RFC1: variants seen among roughly 807,000 people sequenced by gnomAD.
RFC1 encodes replication factor C subunit 1, also known as A1 140 kDa subunit.
RFC1 carries 37 observed loss-of-function variants against 137.4 expected under a neutral mutation model. The ratio of observed to expected loss-of-function variants is 0.27; its 90% CI spans 0.21 to 0.35. The LOEUF (loss-of-function observed/expected upper bound fraction) is 0.35. RFC1 is among the 10% of genes least tolerant of loss of function. The pLI, the probability that RFC1 is intolerant of heterozygous loss-of-function variation, is 1.00. For synonymous variants in RFC1, 429 were observed against 455.7 expected, an observed-to-expected ratio of 0.94 and a Z score of 0.75; for missense variants, 1,205 against 1,358.5, an observed-to-expected ratio of 0.89 and a Z score of 1.78.
chr4:39,310,918 A>C (rs1738932844), intron 12 of RFC1, among the ~76,000 whole-genome samples: 1 of 152,114 alleles, frequency 6.6e-6, no homozygotes. Flanking sequence ...GAAGTGGGTG[A>C]ATCACTTGAG....
chr4:39,337,796 T>C (rs1345726048), intron 4 of RFC1, among the ~76,000 whole-genome samples: 1 of 152,158 alleles, frequency 6.6e-6, no homozygotes, highest in Non-Finnish European at 1.5e-5. Flanking sequence ...TTTTCCAAAG[T>C]CACAAGTCAC....
intron 2 of RFC1, among the ~76,000 whole-genome samples, chr4:39,346,565 A>C (rs1192711532): frequency 6.6e-6 from 1 of 152,168 alleles, no homozygotes; most frequent in Non-Finnish European, 1.5e-5. Context: ...AACATATTCA[A>C]ATTTTCTCAG....
chr4:39,332,622 T>G (rs933901135), intron 4 of RFC1, among the ~76,000 whole-genome samples: 6 of 152,200 alleles, frequency 3.9e-5, no homozygotes, highest in Non-Finnish European at 7.4e-5. Flanking sequence ...AGGAAAGTTT[T>G]TCCTTATATT....
Position 39,300,084 on chromosome 4 carries a change from G to A in RFC1, c.2745C>T (p.Cys915=), listed in dbSNP as rs56410411. Residue 915 remains cysteine (C), a synonymous_variant, in exon 21 of 25, where the codon TGC becomes TGT. Coordinates refer to ENST00000349703, the MANE Select transcript of RFC1 (RefSeq NM_002913.5). The part of the protein sequence containing the change: ...MLLSRAADSI[C]DGDLVDSQIR... Reference sequence around the variant, plus strand: ...TCTGGCTGTCCACTAGGTCACCATCGCATATGCTGTCTGCTGCTCTGCTTA... The same window carrying A: ...TCTGGCTGTCCACTAGGTCACCATCACATATGCTGTCTGCTGCTCTGCTTA... 44 of 1,614,056 alleles carry A rather than the reference G, an allele frequency of 2.7e-5. No homozygotes were observed. The highest frequency in any genetic ancestry group is 2.5e-4 in the East Asian group (11 of 44,888).
chr4:39,326,807 G>A (rs1484253846), intron 5 of RFC1, among the ~76,000 whole-genome samples, 167 bp from the exon 6 acceptor site: 1 of 152,070 alleles, frequency 6.6e-6, no homozygotes, highest in Non-Finnish European at 1.5e-5. Flanking sequence ...GCTACTCCCT[G>A]ACCATATCCA....
chr4:39,300,507 T>G, intron 19 of RFC1, 93 bp from the exon 20 acceptor site: 1 of 918,514 alleles, frequency 1.1e-6, no homozygotes. Context: ...CAAGAGGAAT[T>G]CCATTCATTG....
chr4:39,346,618 A>T (rs932475674), intron 2 of RFC1, among the ~76,000 whole-genome samples: 1 of 152,250 alleles, frequency 6.6e-6, no homozygotes, highest in African/African-American at 2.4e-5. Flanking sequence ...GTAATCAATT[A>T]TAAGGTAGAA....
At chr4:39,312,729 G>A in intron 11 of RFC1, 23 bp downstream of exon 11, 3 of 1,602,920 alleles carry the variant, frequency 1.9e-6, no homozygotes, top group Non-Finnish European at 2.6e-6. Flanking sequence ...GTGTCATGGT[G>A]TTGAGAACAA....
chr4:39,362,850 G>A (rs1163253093), intron 1 of RFC1, among the ~76,000 whole-genome samples: 1 of 152,244 alleles, frequency 6.6e-6, no homozygotes, highest in Non-Finnish European at 1.5e-5. Context: ...AAGACAGAGA[G>A]AGAAAATCAG....
At position 39,308,752 on chromosome 4, in the gene RFC1, T is replaced by C; in HGVS notation, c.1769A>G (p.Tyr590Cys). 1 of 1,614,226 alleles carries C rather than the reference T, an allele frequency of 6.2e-7. No homozygotes were observed. Among genetic ancestry groups the C allele is most frequent in the Non-Finnish European group, 8.5e-7 (1 of 1,180,034 alleles). Reference sequence around the variant, plus strand: ...TATGGTCTTGAGCGAGGTTGGCTTATATTTATCCACCCAGAGCAAATTTTC... The same window carrying C: ...TATGGTCTTGAGCGAGGTTGGCTTACATTTATCCACCCAGAGCAAATTTTC... The part of the protein sequence containing the change: ...KVENLLWVDK[Y>C]KPTSLKTIIG... The change falls in exon 13 of 25, where the codon TAT (tyrosine) becomes TGT (cysteine). Residue 590 changes from tyrosine (Y) to cysteine (C), a missense_variant. Tyr to Cys is a radical substitution (Grantham distance 194). Transcript: ENST00000349703.
chr4:39,312,423 T>A (rs1165411052), intron 11 of RFC1, among the ~76,000 whole-genome samples: 2 of 152,012 alleles, frequency 1.3e-5, no homozygotes, highest in African/African-American at 4.8e-5. Context: ...TAAAAAAACC[T>A]AAGATGGTGT....
intron 5 of RFC1, 34 bp downstream of exon 5, chr4:39,327,490 C>T (rs369943174): frequency 1.4e-6 from 2 of 1,403,652 alleles, no homozygotes; most frequent in East Asian, 2.3e-5. Flanking sequence ...GGGTATAAAT[C>T]CTGAGCATAC....
Position 39,289,742 on chromosome 4 carries a change from A to G in RFC1, c.3360+106T>C, listed in dbSNP as rs928316462. On this transcript the variant is annotated intron_variant, in intron 24 of 24. Transcript: ENST00000349703. The stretch of plus-strand genomic sequence containing the variant: ...CCATGATGAACAAAAAAACTTAAGA[A>G]GTATTTTCAAGTTATTCTGCTATGT... 2.3e-5 allele frequency: 17 copies of G among 747,278 alleles called. No homozygotes were observed. In the African/African-American group the frequency reaches 3.0e-4, roughly 13 times the overall value. The allele number at this position is 747,278 out of a possible 1,614,324, so 46.3% of individuals were successfully genotyped here.
chr4:39,323,826 T>A (rs1739636259), intron 6 of RFC1, among the ~76,000 whole-genome samples: 1 of 152,194 alleles, frequency 6.6e-6, no homozygotes, highest in Non-Finnish European at 1.5e-5. Flanking sequence ...ATAGTGAATC[T>A]AAGAATTTAA....
intron 1 of RFC1, among the ~76,000 whole-genome samples, chr4:39,357,935 T>C (rs1415845883): frequency 6.6e-6 from 1 of 151,966 alleles, no homozygotes; most frequent in Non-Finnish European, 1.5e-5. Context: ...AACTGACTTC[T>C]GAGCCAAAAA....
intron 4 of RFC1, among the ~76,000 whole-genome samples, chr4:39,335,001 G>A (rs1740283522): frequency 1.3e-5 from 2 of 152,176 alleles, no homozygotes; most frequent in South Asian, 4.1e-4. Context: ...AAGGAAAAAA[G>A]TCTAATTCTG....
rs1742029251 is a variant in RFC1, at chr4:39,366,314, A to G, written c.-73T>C. ...GAGGAATCTGTTATCGAGGCTCAGG[A>G]TCCATTCGCGCCAACAACTTCTCCC... On this transcript the variant is annotated 5_prime_UTR_variant, in exon 1 of 25. Coordinates refer to ENST00000349703, the MANE Select transcript of RFC1 (RefSeq NM_002913.5). 1 of 1,442,444 alleles carries G rather than the reference A, an allele frequency of 6.9e-7. No individual in the cohort carries two copies. Among genetic ancestry groups the G allele is most frequent in the Non-Finnish European group, 9.2e-7 (1 of 1,090,222 alleles). 89.4% of individuals were successfully genotyped at this position (1,442,444 alleles called of 1,614,324 possible). A position where few individuals can be genotyped will look rare whatever the true frequency, so the allele number is the denominator to read the frequency against.
At position 39,288,214 on chromosome 4, in the gene RFC1, T is replaced by C. The variant is rs1312505427; in HGVS notation, c.*547A>G. 1 of 152,258 alleles carries C rather than the reference T, an allele frequency of 6.6e-6. No homozygotes were observed. The highest frequency in any genetic ancestry group is 1.5e-5 in the Non-Finnish European group (1 of 68,072). The allele number at this position is 152,258 out of a possible 1,614,324, so 9.4% of individuals were successfully genotyped here. A position where few individuals can be genotyped will look rare whatever the true frequency, so the allele number is the denominator to read the frequency against. ...CAATCTTAAAAAGAATTTGTACACATATCATGTGGAACATTTTTATTCCTA... is the reference window on the plus strand; with the variant it reads ...CAATCTTAAAAAGAATTTGTACACACATCATGTGGAACATTTTTATTCCTA... On this transcript the variant is annotated 3_prime_UTR_variant, in exon 25 of 25. Coordinates refer to ENST00000349703, the MANE Select transcript of RFC1 (RefSeq NM_002913.5).
intron 21 of RFC1, among the ~76,000 whole-genome samples, chr4:39,298,578 C>T (rs9993224): frequency 0.52 from 78,271 of 151,968 alleles, 21,983 homozygotes; most frequent in African/African-American, 0.75. Context: ...GCCTTTTTAG[C>T]AAGGAAGAAA....
Sources: allele counts gnomAD v4.1 joint callset (sites outside exome capture counted in the v4.1 genomes callset), GRCh38; gene constraint gnomAD v4.1.1; transcripts MANE v1.5; gene names NCBI Gene and HGNC (gene_info 2026-07-23, HGNC 2026-07-21).